Variants in PTPRQ observed in about 807,000 individuals in gnomAD.
PTPRQ encodes the protein phosphatidylinositol phosphatase PTPRQ.
Under a neutral mutation model 246.0 loss-of-function variants are expected in PTPRQ, and 199 were observed. The observed-to-expected ratio is 0.81, with a 90% CI of 0.72 to 0.91. The LOEUF (loss-of-function observed/expected upper bound fraction) is 0.91, where lower values mean the gene tolerates loss of function less well. PTPRQ is among the 40% of genes least tolerant of loss of function. PTPRQ has a pLI of 0.00. For synonymous variants in PTPRQ, 869 were observed against 853.2 expected, an observed-to-expected ratio of 1.02 and a Z score of -0.32; for missense variants, 2,624 against 2,528.4, an observed-to-expected ratio of 1.04 and a Z score of -0.81.
intron 7 of PTPRQ, among the ~76,000 whole-genome samples, chr12:80,470,786 G>C (rs969892512): frequency 6.6e-6 from 1 of 152,098 alleles, no homozygotes; most frequent in Non-Finnish European, 1.5e-5. Context: ...GATTTCAGTG[G>C]ATTTAAAGAA....
chr12:80,477,578 G>A (rs916819828), intron 8 of PTPRQ, among the ~76,000 whole-genome samples: 3 of 152,182 alleles, frequency 2.0e-5, no homozygotes, highest in Non-Finnish European at 4.4e-5. Flanking sequence ...CAGCGTGAAC[G>A]ACGCAGAAGA....
intron 23 of PTPRQ, among the ~76,000 whole-genome samples, chr12:80,544,981 T>C (rs1015195404): frequency 1.3e-5 from 2 of 152,154 alleles, no homozygotes; most frequent in Admixed American, 6.6e-5. Flanking sequence ...TATTAAAATA[T>C]GTTTGTAAGT....
At chr12:80,541,872 T>G (rs1037345637) in intron 21 of PTPRQ, 27 bp downstream of exon 21, 13 of 1,497,418 alleles carry the variant, frequency 8.7e-6, no homozygotes, top group East Asian at 2.5e-5. Flanking sequence ...TATTGTCTGT[T>G]AAGCAGATTG....
At chr12:80,541,955 TA>T in intron 21 of PTPRQ, 110 bp downstream of exon 21, 2 of 1,458,012 alleles carry the variant, frequency 1.4e-6, no homozygotes, top group Non-Finnish European at 1.8e-6. Context: ...TGATCTCAAG[TA>T]ATTAGCCTTT....
Position 80,649,599 on chromosome 12 carries a change from A to C in PTPRQ, c.5954A>C (p.Lys1985Thr). Residue 1985 changes from lysine (K) to threonine (T), a missense_variant, in exon 37 of 45, where the codon AAG (lysine) becomes ACG (threonine). Lys to Thr is a moderately conservative substitution (Grantham distance 78). Transcript: ENST00000644991. ...TTCTTTACTTGGAGGCCAATAAGCA[A>C]GAAATCCTTCCTGCAACATGTTGAA... ...SYRKSIKPIS[K>T]KSFLQHVEEL... The C allele has an allele frequency of 6.5e-7, 1 of 1,549,750 alleles. No homozygotes were observed. Among genetic ancestry groups the C allele is most frequent in the African/African-American group, 1.4e-5 (1 of 73,080 alleles).
chr12:80,574,602 T>G (rs1897234963), intron 25 of PTPRQ, among the ~76,000 whole-genome samples: 1 of 152,206 alleles, frequency 6.6e-6, no homozygotes, highest in Non-Finnish European at 1.5e-5. Flanking sequence ...TCGTGGCTTC[T>G]CAAGGGACTG....
intron 6 of PTPRQ, among the ~76,000 whole-genome samples, chr12:80,461,598 A>G (rs916370551): frequency 6.6e-6 from 1 of 150,822 alleles, no homozygotes; most frequent in Non-Finnish European, 1.5e-5. Flanking sequence ...CCCACATTAC[A>G]TAAGGTATTT....
intron 4 of PTPRQ, among the ~76,000 whole-genome samples, chr12:80,458,531 A>G (rs1485956008): frequency 6.7e-6 from 1 of 148,872 alleles, no homozygotes; most frequent in Non-Finnish European, 1.5e-5. Flanking sequence ...CATCTTTACT[A>G]TCACTTATTT....
At chr12:80,550,016 A>T (rs142630074) in intron 25 of PTPRQ, among the ~76,000 whole-genome samples, 128 of 152,216 alleles carry the variant, frequency 8.4e-4, no homozygotes, top group Middle Eastern at 3.4e-3. Flanking sequence ...ATTATGCTTT[A>T]TTGTGATTTA....
chr12:80,572,166 G>A (rs1897164405), intron 25 of PTPRQ, among the ~76,000 whole-genome samples: 1 of 151,878 alleles, frequency 6.6e-6, no homozygotes. Flanking sequence ...TAATGAATAT[G>A]TTATTATTTC....
intron 3 of PTPRQ, among the ~76,000 whole-genome samples, chr12:80,450,589 C>A (rs7963938): frequency 0.97 from 146,550 of 150,974 alleles, 71,281 homozygotes; most frequent in African/African-American, 1. Flanking sequence ...TAGCATGAAG[C>A]ATTGTTGAAT....
Position 80,490,879 on chromosome 12 carries a change from T to A in PTPRQ, c.1360-2396T>A, listed in dbSNP as rs181254050. ...ATTTTTGCTTTTAATATTATTACTTTTTTTCTCATTATGAAAACTTAACTA... is the reference window on the plus strand; with the variant it reads ...ATTTTTGCTTTTAATATTATTACTTATTTTCTCATTATGAAAACTTAACTA... On this transcript the variant is annotated intron_variant, in intron 9 of 44. Transcript: ENST00000644991. 1.2e-4 allele frequency among the ~76,000 whole-genome samples: 18 copies of A among 152,120 alleles called. 1 individual carries two copies. In the East Asian group the frequency reaches 3.3e-3, roughly 28 times the overall value.
At chr12:80,614,634 C>A (rs1322157505) in intron 29 of PTPRQ, among the ~76,000 whole-genome samples, 2 of 150,680 alleles carry the variant, frequency 1.3e-5, no homozygotes, top group African/African-American at 2.4e-5. Context: ...TTTGGGGATT[C>A]TTTTTGCATG....
chr12:80,678,477 T>C, intron 43 of PTPRQ, 125 bp from the exon 44 acceptor site: 1 of 1,191,764 alleles, frequency 8.4e-7, no homozygotes, highest in Non-Finnish European at 1.1e-6. Flanking sequence ...TATGATAAAT[T>C]CTGTGTCTGT....
In PTPRQ at chr12:80,611,877, C is replaced by G. The variant is rs144859946; in HGVS notation, c.4918+1252C>G. ...AAATGCAAAAATATCTCTCTTGAAC[C>G]AACTTAACCTTTATTTTAGCTTTGC... On this transcript the variant is annotated intron_variant, in intron 28 of 44. Coordinates refer to ENST00000644991, the MANE Select transcript of PTPRQ (RefSeq NM_001145026.2). Among the ~76,000 whole-genome samples, 49 of 150,436 alleles carry G rather than the reference C, an allele frequency of 3.3e-4. No individual in the cohort carries two copies. In the East Asian group the frequency reaches 8.8e-3, roughly 27 times the overall value.
At chr12:80,580,223 C>T (rs912980468) in intron 25 of PTPRQ, among the ~76,000 whole-genome samples, 3 of 152,116 alleles carry the variant, frequency 2.0e-5, no homozygotes, top group Non-Finnish European at 4.4e-5. Flanking sequence ...GATCTACAGA[C>T]CCTAATTTCA....
At position 80,673,162 on chromosome 12, in the gene PTPRQ, C is replaced by T. The variant is rs1388709941; in HGVS notation, c.6603-7C>T. On this transcript the variant is annotated splice_polypyrimidine_tract_variant and splice_region_variant and intron_variant, in intron 42 of 44. Coordinates refer to ENST00000644991, the MANE Select transcript of PTPRQ (RefSeq NM_001145026.2). ...AATAATTTTCATGTAATTTACCCTT[C>T]CTGTAGTGCTGGAGTTGGAAGAACT... 6.5e-7 allele frequency: 1 copy of T among 1,550,068 alleles called. No individual in the cohort carries two copies. Among genetic ancestry groups the T allele is most frequent in the East Asian group, 2.4e-5 (1 of 40,886 alleles).
intron 35 of PTPRQ, among the ~76,000 whole-genome samples, chr12:80,641,615 A>ATT (rs1565835936): frequency 1.3e-5 from 2 of 152,216 alleles, no homozygotes; most frequent in African/African-American, 4.8e-5. Context: ...ATGAAAATAC[A>ATT]TTTCCTTCAG....
chr12:80,457,961 A>G (rs548916021), intron 4 of PTPRQ, among the ~76,000 whole-genome samples: 1 of 152,086 alleles, frequency 6.6e-6, no homozygotes, highest in Non-Finnish European at 1.5e-5. Flanking sequence ...TATTTCCCCC[A>G]TTAATATGTA....
Sources: allele counts gnomAD v4.1 joint callset (sites outside exome capture counted in the v4.1 genomes callset), GRCh38; gene constraint gnomAD v4.1.1; transcripts MANE v1.5; gene names NCBI Gene and HGNC (gene_info 2026-07-23, HGNC 2026-07-21).